RIC3: variants seen among roughly 807,000 people sequenced by gnomAD.
RIC3 encodes the protein RIC3 acetylcholine receptor chaperone.
A neutral mutation model predicts 27.3 loss-of-function variants in RIC3; 28 were observed. The observed-to-expected ratio is 1.02, with a 90% CI of 0.76 to 1.41. The LOEUF (loss-of-function observed/expected upper bound fraction) is 1.41, where lower values mean the gene tolerates loss of function less well. Ranked by LOEUF, RIC3 falls within the 40% of genes most tolerant of loss-of-function variation. The pLI is 0.00. For missense variants in RIC3, 501 were observed against 444.7 expected (o/e 1.13, Z -1.14); for synonymous variants, 184 against 160.4 (o/e 1.15, Z -1.11).
intron 1 of RIC3, among the ~76,000 whole-genome samples, chr11:8,154,351 A>AT (rs1258908986): frequency 1.3e-5 from 2 of 152,210 alleles, no homozygotes; most frequent in African/African-American, 4.8e-5. Flanking sequence ...AACATATAAT[A>AT]TTGCCTTGAA....
At chr11:8,160,905 A>G (rs997484368) in intron 1 of RIC3, among the ~76,000 whole-genome samples, 2 of 152,236 alleles carry the variant, frequency 1.3e-5, no homozygotes, top group Admixed American at 1.3e-4. Flanking sequence ...TCCTGGATTA[A>G]TCATCTTACA....
intron 1 of RIC3, among the ~76,000 whole-genome samples, chr11:8,147,701 C>T (rs967250114): frequency 2.7e-5 from 4 of 150,628 alleles, no homozygotes; most frequent in African/African-American, 4.9e-5. Flanking sequence ...CTCCCTAGGC[C>T]TGTTAGGTAG....
chr11:8,152,033 A>C (rs1169754682), intron 1 of RIC3, among the ~76,000 whole-genome samples: 3 of 152,206 alleles, frequency 2.0e-5, no homozygotes, highest in African/African-American at 7.2e-5. Flanking sequence ...AGGAAATGCA[A>C]ATCAAACTCA....
At chr11:8,144,583 G>T (rs1230087150) in intron 1 of RIC3, among the ~76,000 whole-genome samples, 1 of 147,146 alleles carries the variant, frequency 6.8e-6, no homozygotes, top group Non-Finnish European at 1.5e-5. Context: ...CTGTTGGTGG[G>T]ACTGTAAACT....
intron 5 of RIC3, among the ~76,000 whole-genome samples, chr11:8,113,045 A>G (rs1349908991): frequency 2.0e-5 from 3 of 152,230 alleles, no homozygotes; most frequent in African/African-American, 7.2e-5. Context: ...CAGCACTCAC[A>G]GTAGTATGTT....
chr11:8,163,461 T>C (rs1482242107), intron 1 of RIC3, among the ~76,000 whole-genome samples: 3 of 149,976 alleles, frequency 2.0e-5, no homozygotes, highest in Non-Finnish European at 4.4e-5. Flanking sequence ...AAAGTAAAAA[T>C]AAAAATAAAA....
chr11:8,094,699 A>G, the RIC3 span, among the ~76,000 whole-genome samples: 7 of 152,198 alleles, frequency 4.6e-5, no homozygotes, highest in African/African-American at 1.7e-4. Flanking sequence ...CTTTCTCCAG[A>G]AAAGACCCCT....
chr11:8,161,094 G>A (rs1359686738), intron 1 of RIC3, among the ~76,000 whole-genome samples: 1 of 152,214 alleles, frequency 6.6e-6, no homozygotes, highest in Admixed American at 6.5e-5. Context: ...TAATCTATAT[G>A]TTGCAAGAGA....
At chr11:8,141,182 T>C (rs1244776911) in intron 1 of RIC3, among the ~76,000 whole-genome samples, 1 of 150,204 alleles carries the variant, frequency 6.7e-6, no homozygotes, top group African/African-American at 2.5e-5. Flanking sequence ...CACATAACAA[T>C]ACTAACTTTA....
chr11:8,100,699 G>T, the RIC3 span: 30 of 1,520,132 alleles, frequency 2.0e-5, no homozygotes, highest in Admixed American at 3.4e-5. Context: ...ATGTGGAGGG[G>T]TACCATGTGA....
chr11:8,148,968 C>T (rs993446664), intron 1 of RIC3, among the ~76,000 whole-genome samples: 1 of 144,156 alleles, frequency 6.9e-6, no homozygotes, highest in Non-Finnish European at 1.5e-5. Context: ...ATCACGAGGT[C>T]AGGAGATCAA....
In RIC3 at chr11:8,160,649, A is replaced by G. The variant is rs186253029; in HGVS notation, c.124+8217T>C. The stretch of plus-strand genomic sequence containing the variant: ...AATATACAGCAAAGTCAGCAAGGAA[A>G]ATGCTAAAAACTAGAGCAATCCCCA... On this transcript the variant is annotated intron_variant, in intron 1 of 5. Transcript: ENST00000309737. 6.4e-3 allele frequency among the ~76,000 whole-genome samples: 980 copies of G among 152,336 alleles called. 22 individuals carry two copies. Among genetic ancestry groups the G allele is most frequent in the Admixed American group, 0.051 (781 of 15,300 alleles).
chr11:8,139,973 T>C lies in RIC3; in HGVS notation c.345A>G (p.Leu115=), dbSNP rs1406163804. Reference sequence around the variant, plus strand: ...TTAGGATGATTCTACTTACCTTAAATAGAATGTACAGTATATATAAAAAAA... The same window carrying C: ...TTAGGATGATTCTACTTACCTTAAACAGAATGTACAGTATATATAAAAAAA... ...FGIFLYILYI[L]FKLSKGKTTA... The change falls in exon 2 of 6, where the codon CTA becomes CTG. Residue 115 remains leucine (L), a synonymous_variant. Coordinates refer to ENST00000309737, the MANE Select transcript of RIC3 (RefSeq NM_001206671.4). 4 of 1,613,008 alleles carry C rather than the reference T, an allele frequency of 2.5e-6. No individual in the cohort carries two copies. Among genetic ancestry groups the C allele is most frequent in the East Asian group, 4.5e-5 (2 of 44,870 alleles).
intron 1 of RIC3, among the ~76,000 whole-genome samples, chr11:8,168,168 G>A (rs1034352500): frequency 6.6e-6 from 1 of 152,170 alleles, no homozygotes; most frequent in African/African-American, 2.4e-5. Context: ...TCAGCACCGT[G>A]CCTTTACACT....
rs1169005572 is a variant in RIC3, at chr11:8,140,026, G to T, written c.292C>A (p.Gln98Lys). 6.2e-7 allele frequency: 1 copy of T among 1,613,902 alleles called. No homozygotes were observed. The highest frequency in any genetic ancestry group is 8.5e-7 in the Non-Finnish European group (1 of 1,180,036). The change falls in exon 2 of 6, where the codon CAG (glutamine) becomes AAG (lysine). Residue 98 changes from glutamine (Q) to lysine (K), a missense_variant. Coordinates refer to ENST00000309737, the MANE Select transcript of RIC3 (RefSeq NM_001206671.4). ...GGGSGRGLMG[Q>K]IIPIYGFGIF... The stretch of plus-strand genomic sequence containing the variant: ...CCAAAACCGTAGATTGGAATAATCT[G>T]CCCCATCAGACCTCTTCCACTACCT...
chr11:8,100,468 G>A, the RIC3 span: 37 of 1,555,824 alleles, frequency 2.4e-5, no homozygotes, highest in African/African-American at 6.8e-5. Context: ...GTAAATAGAC[G>A]CCTCAGGTGG....
chr11:8,162,616 C>T (rs1220690312), intron 1 of RIC3, among the ~76,000 whole-genome samples: 2 of 148,426 alleles, frequency 1.3e-5, no homozygotes, highest in East Asian at 4.0e-4. Flanking sequence ...TACTTCAAGG[C>T]TCCATGCTTC....
At chr11:8,105,333 T>G (rs1268493368), downstream of RIC3, 1 of 152,146 alleles carries the variant, frequency 6.6e-6, no homozygotes, top group African/African-American at 2.4e-5. Flanking sequence ...GGGCCCAGAG[T>G]TGGGACTCTA....
intron 5 of RIC3, among the ~76,000 whole-genome samples, chr11:8,126,056 A>C (rs2133612371): frequency 6.6e-6 from 1 of 152,284 alleles, no homozygotes; most frequent in East Asian, 1.9e-4. Context: ...AACAAAGTTA[A>C]ATATACAATT....
Sources: gnomAD v4.1 joint callset for allele counts (sites outside exome capture counted in the v4.1 genomes callset) on GRCh38, gnomAD v4.1.1 for gene constraint, MANE v1.5 for transcripts, NCBI Gene and HGNC (gene_info 2026-07-23, HGNC 2026-07-21) for gene names.